The following PARP4 variants were observed in gnomAD, a reference collection of about 807,000 sequenced individuals.
PARP4 encodes the protein poly(ADP-ribose) polymerase family member 4.
A neutral mutation model predicts 187.7 loss-of-function variants in PARP4; 120 were observed. The ratio of observed to expected loss-of-function variants is 0.64; its 90% CI spans 0.55 to 0.74. PARP4 has a LOEUF of 0.74. Among genes scored for constraint, PARP4 ranks in the 30% least tolerant of loss-of-function variants. The pLI, the probability that PARP4 is intolerant of heterozygous loss-of-function variation, is 0.00. For missense variants in PARP4, 1,836 were observed against 2,070.5 expected (o/e 0.89, Z 2.20); for synonymous variants, 654 against 740.9 (o/e 0.88, Z 1.90).
intron 27 of PARP4, 51 bp downstream of exon 27, chr13:24,446,629 TA>T: frequency 7.9e-7 from 1 of 1,258,464 alleles, no homozygotes; most frequent in Non-Finnish European, 1.2e-6. Flanking sequence ...TATGGAAATA[TA>T]AAATCATAAC....
In PARP4 at chr13:24,503,773, C is replaced by T. The variant is rs1869446354; in HGVS notation, c.4G>A (p.Val2Met). 2.5e-6 allele frequency: 4 copies of T among 1,613,776 alleles called. No individual in the cohort carries two copies. The highest frequency in any genetic ancestry group is 3.4e-6 in the Non-Finnish European group (4 of 1,179,770). Reference sequence around the variant, plus strand: ...ATACAATTTGCAAAGATTCCCATCACCATCCTGTAGGAAAAAAAGTTTTTA... The same window carrying T: ...ATACAATTTGCAAAGATTCCCATCATCATCCTGTAGGAAAAAAAGTTTTTA... The part of the protein sequence containing the change: M[V>M]MGIFANCIFC... Residue 2 changes from valine (V) to methionine (M), a missense_variant, in exon 2 of 34, where the codon GTG (valine) becomes ATG (methionine). By Grantham distance (21) the Val-to-Met change is conservative. Coordinates refer to ENST00000381989, the MANE Select transcript of PARP4 (RefSeq NM_006437.4).
chr13:24,438,578 G>A (rs1414582918), intron 30 of PARP4, among the ~76,000 whole-genome samples: 1 of 152,176 alleles, frequency 6.6e-6, no homozygotes, highest in East Asian at 1.9e-4. Flanking sequence ...TCTGCCTCTC[G>A]CTTGTTCTCA....
chr13:24,473,237 T>C (rs577921751), intron 15 of PARP4, among the ~76,000 whole-genome samples: 1 of 152,294 alleles, frequency 6.6e-6, no homozygotes, highest in African/African-American at 2.4e-5. Flanking sequence ...CACCCTGGTA[T>C]TTATGATAGC....
chr13:24,428,455 C>T (rs917206394), intron 32 of PARP4, among the ~76,000 whole-genome samples: 1 of 152,164 alleles, frequency 6.6e-6, no homozygotes, highest in Non-Finnish European at 1.5e-5. Flanking sequence ...CCAATTCTGA[C>T]CTCTTCCATG....
intron 27 of PARP4, among the ~76,000 whole-genome samples, chr13:24,444,867 C>T (rs1395537067): frequency 1.3e-5 from 2 of 152,162 alleles, no homozygotes; most frequent in African/African-American, 4.8e-5. Flanking sequence ...CCCTTATCTG[C>T]CTTATCCAGA....
intron 15 of PARP4, among the ~76,000 whole-genome samples, chr13:24,473,194 GGGATTACA>G (rs1872808534): frequency 6.6e-6 from 1 of 151,956 alleles, no homozygotes; most frequent in Admixed American, 6.6e-5. Context: ...CCAACGTCCT[GGGATTACA>G]GGCATGAACC....
At chr13:24,503,416 A>T (rs1407293986) in intron 2 of PARP4, among the ~76,000 whole-genome samples, 1 of 152,160 alleles carries the variant, frequency 6.6e-6, no homozygotes, top group Non-Finnish European at 1.5e-5. Context: ...GCTTCACAGG[A>T]CATGTAGGAT....
intron 32 of PARP4, among the ~76,000 whole-genome samples, chr13:24,427,646 T>C (rs1220567421): frequency 6.6e-6 from 1 of 152,216 alleles, no homozygotes; most frequent in East Asian, 1.9e-4. Flanking sequence ...AGTATGTACA[T>C]ATCTGCATAT....
At chr13:24,501,190 G>A (rs1023990357) in intron 3 of PARP4, among the ~76,000 whole-genome samples, 1 of 152,116 alleles carries the variant, frequency 6.6e-6, no homozygotes, top group Non-Finnish European at 1.5e-5. Flanking sequence ...ATGTCCAAAG[G>A]CTTTCTTCTT....
chr13:24,441,662 G>A (rs1281844659), intron 30 of PARP4, among the ~76,000 whole-genome samples, 184 bp downstream of exon 30: 1 of 152,222 alleles, frequency 6.6e-6, no homozygotes, highest in Non-Finnish European at 1.5e-5. Flanking sequence ...TTCACACATT[G>A]TGAAGTCTCT....
chr13:24,484,060 T>G (rs1249107784), intron 12 of PARP4, among the ~76,000 whole-genome samples: 1 of 152,246 alleles, frequency 6.6e-6, no homozygotes, highest in African/African-American at 2.4e-5. Flanking sequence ...GTCCTGGGCC[T>G]GAACTCAGTC....
chr13:24,477,889 C>A, intron 13 of PARP4, 32 bp from the exon 14 acceptor site: 1 of 1,475,134 alleles, frequency 6.8e-7, no homozygotes, highest in Non-Finnish European at 9.1e-7. Context: ...AGGTGATTAA[C>A]AACAGAAGCA....
intron 30 of PARP4, among the ~76,000 whole-genome samples, chr13:24,440,397 C>CAA (rs34174938): frequency 1.1e-5 from 1 of 90,026 alleles, no homozygotes. Context: ...GACTCTATCT[C>CAA]AAAAAAAAAA....
At chr13:24,436,115 CAT>C (rs765312366) in intron 30 of PARP4, among the ~76,000 whole-genome samples, 8 of 152,118 alleles carry the variant, frequency 5.3e-5, no homozygotes, top group Non-Finnish European at 1.2e-4. Flanking sequence ...TCATTTTACA[CAT>C]GAGGGAACTG....
chr13:24,496,605 ACG>A (rs1437960822), intron 6 of PARP4, among the ~76,000 whole-genome samples: 4 of 152,080 alleles, frequency 2.6e-5, no homozygotes, highest in Non-Finnish European at 4.4e-5. Context: ...CATCCACCTG[ACG>A]TGAGTCTCTT....
intron 2 of PARP4, 115 bp from the exon 3 acceptor site, chr13:24,501,949 T>C: frequency 1.5e-6 from 1 of 671,228 alleles, no homozygotes; most frequent in Non-Finnish European, 2.5e-6. Context: ...TGATAATCTT[T>C]CTCAAATTTC....
intron 10 of PARP4, among the ~76,000 whole-genome samples, chr13:24,489,828 C>CCTGATTTGCAGCATTTG (rs1207433987): frequency 6.6e-6 from 1 of 152,110 alleles, no homozygotes; most frequent in East Asian, 1.9e-4. Context: ...CCCGCACAGC[C>CCTGATTTGCAGCATTTG]CTGATTTGCA....
At chr13:24,476,870 C>A (rs1376736334) in intron 14 of PARP4, among the ~76,000 whole-genome samples, 10 of 152,330 alleles carry the variant, frequency 6.6e-5, no homozygotes, top group African/African-American at 2.4e-4. Flanking sequence ...TTCAATTTCC[C>A]CTTCAGCCCT....
chr13:24,477,837 A>G lies in PARP4; in HGVS notation c.1653T>C (p.Tyr551=). ...TDFEDDEFVV[Y]KTNQVKMKYI... ...ATTTCATTTTAACCTGATTGGTTTT[A>G]TAGACAACAAATTCATCATCCTAGA... Residue 551 remains tyrosine (Y), a synonymous_variant, in exon 14 of 34, where the codon TAT becomes TAC. Coordinates refer to ENST00000381989, the MANE Select transcript of PARP4 (RefSeq NM_006437.4). The G allele has an allele frequency of 6.3e-7, 1 of 1,579,400 alleles. No homozygotes were observed. The highest frequency in any genetic ancestry group is 1.2e-5 in the South Asian group (1 of 84,534).
Sources: allele counts gnomAD v4.1 joint callset (sites outside exome capture counted in the v4.1 genomes callset), GRCh38; gene constraint gnomAD v4.1.1; transcripts MANE v1.5; gene names NCBI Gene and HGNC (gene_info 2026-07-23, HGNC 2026-07-21).